The following FMNL3 variants were observed in gnomAD, a reference collection of about 807,000 sequenced individuals.
FMNL3 encodes the protein formin-like protein 3.
Under a neutral mutation model 119.6 loss-of-function variants are expected in FMNL3, and 57 were observed. The ratio of observed to expected loss-of-function variants is 0.48; its 90% CI spans 0.39 to 0.59. FMNL3 has a LOEUF of 0.59. Ranked by LOEUF, FMNL3 falls within the 20% of genes least tolerant of loss-of-function variation. The pLI is 0.00. For missense variants in FMNL3, 1,053 were observed against 1,323.5 expected (o/e 0.80, Z 3.17); for synonymous variants, 491 against 507.3 (o/e 0.97, Z 0.43).
chr12:49,643,793 G>T lies in FMNL3; in HGVS notation c.*2022C>A. The T allele has an allele frequency of 6.2e-7, 1 of 1,613,664 alleles. No individual in the cohort carries two copies. Among genetic ancestry groups the T allele is most frequent in the East Asian group, 2.2e-5 (1 of 44,890 alleles). On this transcript the variant is annotated 3_prime_UTR_variant, in exon 26 of 26. Coordinates refer to ENST00000335154, the MANE Select transcript of FMNL3 (RefSeq NM_175736.5). ...TCTACCTAAGCCCCTGCTATTTTGT[G>T]AGTTCTGTTCTACCTGCCTCCCAGG...
intron 4 of FMNL3, among the ~76,000 whole-genome samples, chr12:49,665,078 TTCTC>T (rs150114444): frequency 5.3e-5 from 8 of 150,714 alleles, no homozygotes; most frequent in Admixed American, 1.3e-4. Flanking sequence ...TATACACACT[TTCTC>T]TCTCTCTCTC....
rs758453528 is a variant in FMNL3, at chr12:49,642,329, G to A, written c.*3486C>T. On this transcript the variant is annotated 3_prime_UTR_variant, in exon 26 of 26. Coordinates refer to ENST00000335154, the MANE Select transcript of FMNL3 (RefSeq NM_175736.5). The surrounding 1 kb of genome is among the most constrained non-coding windows in gnomAD (Gnocchi z 5.8). ...GAAGCTGCCTTTCGAAGCATGCTGAGGCAGGCTGTGCCTGCTCTGGAGCTA... is the reference window on the plus strand; with the variant it reads ...GAAGCTGCCTTTCGAAGCATGCTGAAGCAGGCTGTGCCTGCTCTGGAGCTA... 1 of 1,614,092 alleles carries A rather than the reference G, an allele frequency of 6.2e-7. No individual in the cohort carries two copies. The highest frequency in any genetic ancestry group is 2.2e-5 in the East Asian group (1 of 44,882).
intron 1 of FMNL3, among the ~76,000 whole-genome samples, chr12:49,678,984 G>C (rs570067729): frequency 1.8e-4 from 28 of 152,290 alleles, no homozygotes; most frequent in Admixed American, 1.2e-3. Flanking sequence ...GATATGATGA[G>C]CTAAGTAAGT....
At position 49,636,779 on chromosome 12, in the gene FMNL3, A is replaced by G; in HGVS notation, c.*9036T>C. 1 of 1,614,220 alleles carries G rather than the reference A, an allele frequency of 6.2e-7. No individual in the cohort carries two copies. The highest frequency in any genetic ancestry group is 8.5e-7 in the Non-Finnish European group (1 of 1,180,030). On this transcript the variant is annotated 3_prime_UTR_variant, in exon 26 of 26. Coordinates refer to ENST00000335154, the MANE Select transcript of FMNL3 (RefSeq NM_175736.5). ...CACATCCGAGCTTTGGAGAGGGAAGAGGAGGAGGAACGGGAGCGGGCCCGG... is the reference window on the plus strand; with the variant it reads ...CACATCCGAGCTTTGGAGAGGGAAGGGGAGGAGGAACGGGAGCGGGCCCGG...
At chr12:49,664,236 A>G (rs535070985) in intron 4 of FMNL3, among the ~76,000 whole-genome samples, 1 of 152,230 alleles carries the variant, frequency 6.6e-6, no homozygotes, top group African/African-American at 2.4e-5. Context: ...ATCTCAAAAT[A>G]TAAATAAATA....
Position 49,647,415 on chromosome 12 carries a change from G to T in FMNL3, c.2779-47C>A. 2 of 1,582,184 alleles carry T rather than the reference G, an allele frequency of 1.3e-6. No homozygotes were observed. The highest frequency in any genetic ancestry group is 1.7e-6 in the Non-Finnish European group (2 of 1,158,926). On this transcript the variant is annotated intron_variant, in intron 23 of 25. Coordinates refer to ENST00000335154, the MANE Select transcript of FMNL3 (RefSeq NM_175736.5). This position sits in a 1 kb window ranked among gnomAD's most constrained non-coding sequence, Gnocchi z 4.9. The stretch of plus-strand genomic sequence containing the variant: ...GGGTGGGGAGTGAGGCTCATAGGCT[G>T]TGAGGGGAGGGGCTGACACTGAGGT...
chr12:49,672,238 T>C (rs566443758), intron 1 of FMNL3, among the ~76,000 whole-genome samples: 3 of 152,108 alleles, frequency 2.0e-5, no homozygotes, highest in Non-Finnish European at 4.4e-5. Context: ...TCACTGATCC[T>C]GCTCTGGCTT....
intron 1 of FMNL3, among the ~76,000 whole-genome samples, chr12:49,675,124 A>C (rs149308995): frequency 3.2e-4 from 49 of 152,270 alleles, no homozygotes; most frequent in African/African-American, 1.2e-3. Context: ...ACCTGACATG[A>C]GATAACCTCT....
At chr12:49,674,763 C>T (rs1403884811) in intron 1 of FMNL3, among the ~76,000 whole-genome samples, 1 of 152,210 alleles carries the variant, frequency 6.6e-6, no homozygotes, top group Non-Finnish European at 1.5e-5. Flanking sequence ...GGAACCATGT[C>T]TGGAGAACGT....
chr12:49,670,866 A>C (rs1388136080), intron 1 of FMNL3, among the ~76,000 whole-genome samples: 1 of 152,210 alleles, frequency 6.6e-6, no homozygotes, highest in African/African-American at 2.4e-5. Flanking sequence ...CCCAGAGTAG[A>C]TCTCCTAACT....
chr12:49,648,070 T>TCTCCC (rs1406678806), intron 22 of FMNL3, 123 bp downstream of exon 22: 5 of 1,260,360 alleles, frequency 4.0e-6, no homozygotes, highest in Non-Finnish European at 5.3e-6. Context: ...AAGCGCTCTC[T>TCTCCC]CTCCCCTACA....
intron 1 of FMNL3, among the ~76,000 whole-genome samples, chr12:49,679,646 C>T (rs924501603): frequency 6.6e-6 from 1 of 150,896 alleles, no homozygotes; most frequent in African/African-American, 2.4e-5. Context: ...CCCACCTCAG[C>T]TTCCCCAGTA....
chr12:49,664,681 G>A (rs1314073077), intron 4 of FMNL3, among the ~76,000 whole-genome samples: 1 of 152,316 alleles, frequency 6.6e-6, no homozygotes, highest in East Asian at 1.9e-4. Flanking sequence ...ATGAGGTACA[G>A]AAGCCATACT....
intron 2 of FMNL3, among the ~76,000 whole-genome samples, chr12:49,666,674 C>T (rs1049506371): frequency 6.6e-6 from 1 of 152,030 alleles, no homozygotes; most frequent in Admixed American, 6.6e-5. Context: ...CTACCACATG[C>T]CTGTAGCCCT....
At chr12:49,656,161 C>T (rs991722178) in intron 9 of FMNL3, among the ~76,000 whole-genome samples, 1 of 152,122 alleles carries the variant, frequency 6.6e-6, no homozygotes, top group Non-Finnish European at 1.5e-5. Flanking sequence ...GACCATTGGA[C>T]TATAGCCCTC....
chr12:49,685,501 A>C (rs1484490784), intron 1 of FMNL3, among the ~76,000 whole-genome samples: 2 of 152,116 alleles, frequency 1.3e-5, no homozygotes, highest in Non-Finnish European at 2.9e-5. Context: ...TGGCTACACA[A>C]GAGACAAAAT....
intron 1 of FMNL3, among the ~76,000 whole-genome samples, chr12:49,681,985 T>C (rs1257486019): frequency 4.6e-5 from 7 of 151,800 alleles, no homozygotes; most frequent in African/African-American, 7.3e-5. Context: ...ACCCTGTAAG[T>C]GGTAACTGGA....
rs759575391 is a variant in FMNL3 at position 49,649,643 on chromosome 12, G to C, written c.2235+48C>G. The C allele has an allele frequency of 2.5e-6, 4 of 1,610,986 alleles. No individual in the cohort carries two copies. Among genetic ancestry groups the C allele is most frequent in the African/African-American group, 1.3e-5 (1 of 74,890 alleles). On this transcript the variant is annotated intron_variant, in intron 18 of 25. Coordinates refer to ENST00000335154, the MANE Select transcript of FMNL3 (RefSeq NM_175736.5). This position sits in a 1 kb window ranked among gnomAD's most constrained non-coding sequence, Gnocchi z 5.6. ...GCAGGGGAGGTGACTAGCAGATGGA[G>C]GGTGGAGGGACAGCTGTCCAGAGCC...
chr12:49,664,482 G>T (rs1943830694), intron 4 of FMNL3, among the ~76,000 whole-genome samples: 3 of 152,144 alleles, frequency 2.0e-5, no homozygotes, highest in Admixed American at 6.5e-5. Context: ...GGAGTGGTAG[G>T]GGGCTCAGGG....
Sources: allele counts gnomAD v4.1 joint callset (sites outside exome capture counted in the v4.1 genomes callset), GRCh38; gene constraint gnomAD v4.1.1; non-coding constraint Gnocchi (gnomAD v3.1); transcripts MANE v1.5; gene names NCBI Gene and HGNC (gene_info 2026-07-23, HGNC 2026-07-21).